Variants in CDK14 observed in about 807,000 individuals in gnomAD.
CDK14 encodes the protein cyclin dependent kinase 14.
A neutral mutation model predicts 60.7 loss-of-function variants in CDK14; 34 were observed. That is an observed-to-expected ratio of 0.56 (90% CI 0.43 to 0.75). The LOEUF (loss-of-function observed/expected upper bound fraction) is 0.75. Among genes scored for constraint, CDK14 ranks in the 30% least tolerant of loss-of-function variants. The pLI is 0.00. For missense variants in CDK14, 482 were observed against 564.1 expected (o/e 0.85, Z 1.47); for synonymous variants, 197 against 203.7 (o/e 0.97, Z 0.28).
At chr7:90,634,141 AATT>A (rs1212975512) in intron 2 of CDK14, among the ~76,000 whole-genome samples, 2 of 151,586 alleles carry the variant, frequency 1.3e-5, no homozygotes, top group Admixed American at 6.6e-5. Context: ...TCTTTTTTTT[AATT>A]ATTATTATAC....
chr7:90,871,444 A>G (rs187771611), intron 6 of CDK14, among the ~76,000 whole-genome samples: 1 of 152,272 alleles, frequency 6.6e-6, no homozygotes, highest in African/African-American at 2.4e-5. Context: ...GGAGAATTAA[A>G]GACATACCAA....
At chr7:90,701,309 C>T (rs1801781751) in intron 2 of CDK14, among the ~76,000 whole-genome samples, 1 of 152,160 alleles carries the variant, frequency 6.6e-6, no homozygotes, top group South Asian at 2.1e-4. Flanking sequence ...ACCACAGCAA[C>T]TTGGATGTCT....
intron 9 of CDK14, among the ~76,000 whole-genome samples, chr7:90,962,372 G>GA (rs1407976690): frequency 6.6e-6 from 1 of 152,094 alleles, no homozygotes; most frequent in Non-Finnish European, 1.5e-5. Context: ...TGTAACCCCA[G>GA]CTACTTGGGA....
intron 2 of CDK14, among the ~76,000 whole-genome samples, chr7:90,615,279 C>CA (rs1336253162): frequency 6.6e-6 from 1 of 152,210 alleles, no homozygotes; most frequent in African/African-American, 2.4e-5. Flanking sequence ...TCCAATCTTG[C>CA]AAGTTACAAT....
intron 10 of CDK14, among the ~76,000 whole-genome samples, chr7:91,018,083 T>G (rs1363567893): frequency 6.6e-6 from 1 of 152,174 alleles, no homozygotes; most frequent in African/African-American, 2.4e-5. Context: ...ACATACATAC[T>G]GGATAAATTT....
chr7:90,658,520 G>A (rs536863200), intron 2 of CDK14, among the ~76,000 whole-genome samples: 1 of 152,272 alleles, frequency 6.6e-6, no homozygotes, highest in African/African-American at 2.4e-5. Flanking sequence ...TACGGATTTT[G>A]GAGCGAGGAG....
At chr7:90,814,969 A>T (rs1403339489) in intron 5 of CDK14, among the ~76,000 whole-genome samples, 10 of 152,206 alleles carry the variant, frequency 6.6e-5, no homozygotes, top group African/African-American at 2.4e-4. Context: ...CTTCAAGGTC[A>T]TGTTAGTGCT....
intron 2 of CDK14, among the ~76,000 whole-genome samples, chr7:90,720,886 G>A (rs1802424698): frequency 6.6e-6 from 1 of 152,098 alleles, no homozygotes; most frequent in African/African-American, 2.4e-5. Context: ...GTTATTGACT[G>A]TTGGGGTCCT....
chr7:90,969,941 C>T (rs1794870278), intron 9 of CDK14, among the ~76,000 whole-genome samples: 1 of 150,644 alleles, frequency 6.6e-6, no homozygotes, highest in African/African-American at 2.4e-5. Flanking sequence ...CTTCATTATC[C>T]ATAGGAGTCT....
At chr7:90,973,600 A>G (rs1794988298) in intron 9 of CDK14, among the ~76,000 whole-genome samples, 1 of 152,108 alleles carries the variant, frequency 6.6e-6, no homozygotes, top group Non-Finnish European at 1.5e-5. Flanking sequence ...CTATTTTCCT[A>G]AGTGTTGGCT....
intron 6 of CDK14, among the ~76,000 whole-genome samples, chr7:90,891,454 A>G (rs17163331): frequency 6.5e-4 from 99 of 152,372 alleles, no homozygotes; most frequent in African/African-American, 2.2e-3. Flanking sequence ...CTACCTATTT[A>G]ACATTAAATT....
intron 4 of CDK14, among the ~76,000 whole-genome samples, chr7:90,756,971 G>C (rs1244693661): frequency 6.6e-6 from 1 of 152,064 alleles, no homozygotes; most frequent in Admixed American, 6.6e-5. Context: ...AGTTTGCTAG[G>C]GCTTGAAATA....
chr7:91,079,401 G>T, intron 11 of CDK14, 31 bp from the exon 12 acceptor site: 1 of 1,448,296 alleles, frequency 6.9e-7, no homozygotes, highest in Non-Finnish European at 9.6e-7. Context: ...TTGATACAAA[G>T]ATTGTTTATC....
At chr7:90,720,793 G>A (rs1164600395) in intron 2 of CDK14, among the ~76,000 whole-genome samples, 2 of 151,754 alleles carry the variant, frequency 1.3e-5, no homozygotes, top group Non-Finnish European at 2.9e-5. Context: ...AATATTTTTT[G>A]TGTCTTTTTG....
chr7:90,809,597 G>A (rs543982026), intron 5 of CDK14, among the ~76,000 whole-genome samples: 31 of 152,090 alleles, frequency 2.0e-4, no homozygotes, highest in Non-Finnish European at 3.8e-4. Context: ...TCAAAAGCTA[G>A]CAGAAGGCAA....
intron 5 of CDK14, among the ~76,000 whole-genome samples, chr7:90,797,854 A>G (rs1014720382): frequency 7.9e-5 from 12 of 151,926 alleles, no homozygotes; most frequent in African/African-American, 2.9e-4. Context: ...ATGGTGTTAA[A>G]CCATGATAAA....
At chr7:90,613,747 G>A (rs534360392) in intron 2 of CDK14, among the ~76,000 whole-genome samples, 7 of 152,170 alleles carry the variant, frequency 4.6e-5, no homozygotes, top group Admixed American at 2.6e-4. Flanking sequence ...TTTCTGTACA[G>A]CCTAACTACT....
intron 12 of CDK14, among the ~76,000 whole-genome samples, chr7:91,095,876 G>A (rs1798968921): frequency 6.6e-6 from 1 of 151,728 alleles, no homozygotes; most frequent in Admixed American, 6.6e-5. Context: ...CTTTAATATT[G>A]TCACATTATT....
chr7:90,823,702 C>T (rs1455423226), intron 5 of CDK14, among the ~76,000 whole-genome samples: 1 of 152,160 alleles, frequency 6.6e-6, no homozygotes, highest in Non-Finnish European at 1.5e-5. Context: ...ACTGTTTAAC[C>T]TTTCCTCTAA....
Sources: allele counts gnomAD v4.1 joint callset (sites outside exome capture counted in the v4.1 genomes callset), GRCh38; gene constraint gnomAD v4.1.1; transcripts MANE v1.5; gene names NCBI Gene and HGNC (gene_info 2026-07-23, HGNC 2026-07-21).